The following VRTN variants were observed in gnomAD, a reference collection of about 807,000 sequenced individuals.
VRTN encodes the protein vertebrae development associated.
Under a neutral mutation model 18.2 loss-of-function variants are expected in VRTN, and 5 were observed. The ratio of observed to expected loss-of-function variants is 0.27; its 90% CI spans 0.14 to 0.58. The LOEUF (loss-of-function observed/expected upper bound fraction) is 0.58, where lower values mean the gene tolerates loss of function less well. VRTN is among the 20% of genes least tolerant of loss of function. The probability of loss-of-function intolerance (pLI) is 0.91; values close to 1 mark genes in which losing one functional copy is unlikely to be tolerated. For synonymous variants in VRTN, 381 were observed against 393.7 expected (o/e 0.97, Z 0.38); for missense variants, 741 against 939.4 (o/e 0.79, Z 2.76).
At chr14:74,344,521 T>C (rs1364178716), upstream of VRTN, among the ~76,000 whole-genome samples, 1 of 146,652 alleles carries the variant, frequency 6.8e-6, no homozygotes, top group African/African-American at 2.5e-5. Flanking sequence ...TCACTTGAGG[T>C]CAGGAGTTCG....
chr14:74,331,681 C>A (rs1230285931), intron 1 of VRTN, among the ~76,000 whole-genome samples: 1 of 148,158 alleles, frequency 6.7e-6, no homozygotes, highest in Non-Finnish European at 1.5e-5. Flanking sequence ...ATGGAGGGAG[C>A]TTAGAGGTAA....
exon 1 of VRTN, chr14:74,303,120 A>C: frequency 2.2e-6 from 1 of 453,932 alleles, no homozygotes; most frequent in Non-Finnish European, 3.9e-6. Flanking sequence ...GCGCCCCCAT[A>C]TTTTCTGGGA....
At chr14:74,327,150 A>G (rs2085493152) in intron 1 of VRTN, among the ~76,000 whole-genome samples, 2 of 152,138 alleles carry the variant, frequency 1.3e-5, no homozygotes, top group African/African-American at 4.8e-5. Context: ...TTGAGCACCT[A>G]TTGTGTGCTT....
intron 1 of VRTN, among the ~76,000 whole-genome samples, chr14:74,326,459 C>A (rs1354777751): frequency 6.6e-6 from 1 of 152,088 alleles, no homozygotes; most frequent in Non-Finnish European, 1.5e-5. Context: ...ATGTTCACAG[C>A]CCTGGAGGAT....
chr14:74,317,228 G>A (rs2085424183), intron 1 of VRTN, among the ~76,000 whole-genome samples: 2 of 152,200 alleles, frequency 1.3e-5, no homozygotes, highest in South Asian at 4.1e-4. Flanking sequence ...TATTTCAGGT[G>A]AGAGAGTCAT....
intron 1 of VRTN, among the ~76,000 whole-genome samples, chr14:74,334,791 C>A (rs2085552646): frequency 6.6e-6 from 1 of 152,134 alleles, no homozygotes; most frequent in Admixed American, 6.5e-5. Flanking sequence ...TTCTGAGAAT[C>A]ATCTTGCATA....
In VRTN at chr14:74,357,666, A is replaced by G; in HGVS notation, c.883A>G (p.Thr295Ala). Residue 295 changes from threonine to alanine, a missense_variant, in exon 2 of 2, where the codon ACC becomes GCC. Physicochemically the swap from Thr to Ala is moderately conservative, Grantham distance 58. Coordinates refer to ENST00000256362, the MANE Select transcript of VRTN (RefSeq NM_018228.3). The surrounding 1 kb of genome is among the most constrained non-coding windows in gnomAD (Gnocchi z 7.8). ...TGAGCGCTACAGCGTCACCAAAAGC[A>G]CCTTCTACCGCTGGCGGCGGCAGTC... Reference protein sequence around the residue: ...LCERYSVTKSTFYRWRRQSQE... With the variant: ...LCERYSVTKSAFYRWRRQSQE... 1 of 1,613,690 alleles carries G rather than the reference A, an allele frequency of 6.2e-7. No homozygotes were observed. Among genetic ancestry groups the G allele is most frequent in the Non-Finnish European group, 8.5e-7 (1 of 1,179,968 alleles).
At chr14:74,318,076 G>A (rs941432865) in intron 1 of VRTN, among the ~76,000 whole-genome samples, 6 of 152,128 alleles carry the variant, frequency 3.9e-5, no homozygotes, top group Admixed American at 2.0e-4. Context: ...CTATGATTGT[G>A]CCACTGCACT....
rs527249475 is a variant in VRTN at position 74,358,487 on chromosome 14, G to C, written c.1704G>C (p.Gly568=). 1.1e-5 allele frequency: 18 copies of C among 1,614,194 alleles called. No homozygotes were observed. In the South Asian group the frequency reaches 1.8e-4, roughly 16 times the overall value. Reference sequence around the variant, plus strand: ...TGCCGGTCCCCACCTTGGGCAAAGGGGGGCAGGAGGCTGAGGAGAAGCAGG... The same window carrying C: ...TGCCGGTCCCCACCTTGGGCAAAGGCGGGCAGGAGGCTGAGGAGAAGCAGG... ...LQVPVPTLGK[G]GQEAEEKQEK... Residue 568 remains glycine, a synonymous_variant, in exon 2 of 2, where the codon GGG becomes GGC. Coordinates refer to ENST00000256362, the MANE Select transcript of VRTN (RefSeq NM_018228.3). The surrounding 1 kb of genome is among the most constrained non-coding windows in gnomAD (Gnocchi z 5.4).
chr14:74,330,813 G>A (rs2085517064), intron 1 of VRTN, among the ~76,000 whole-genome samples: 1 of 152,084 alleles, frequency 6.6e-6, no homozygotes, highest in Non-Finnish European at 1.5e-5. Flanking sequence ...GATCAAGTCT[G>A]CAAGAGCAGA....
At chr14:74,316,027 A>G (rs2085417632) in intron 1 of VRTN, among the ~76,000 whole-genome samples, 1 of 152,158 alleles carries the variant, frequency 6.6e-6, no homozygotes, top group Non-Finnish European at 1.5e-5. Context: ...AGCTGAGGCA[A>G]TTCTCAAAGG....
intron 1 of VRTN, among the ~76,000 whole-genome samples, chr14:74,329,108 TA>T (rs879651021): frequency 4.1e-5 from 6 of 148,030 alleles, no homozygotes; most frequent in Non-Finnish European, 6.0e-5. Flanking sequence ...CTGTCTCTAC[TA>T]AAAAAAAAAT....
intron 2 of VRTN, among the ~76,000 whole-genome samples, chr14:74,339,025 A>AT (rs1199513137): frequency 1.5e-4 from 23 of 150,846 alleles, no homozygotes; most frequent in Non-Finnish European, 3.1e-4. Context: ...GTGCCAAGCC[A>AT]TTTTTTTCTT....
intron 1 of VRTN, among the ~76,000 whole-genome samples, chr14:74,318,680 G>A (rs549803604): frequency 1.3e-3 from 191 of 151,444 alleles, no homozygotes; most frequent in African/African-American, 4.5e-3. Context: ...CCAAAGTGCT[G>A]GGATTACAGG....
rs1409911231 is a variant in VRTN, at chr14:74,303,842, GATTT to G, written c.-164+667_-164+670del. 6.2e-3 allele frequency among the ~76,000 whole-genome samples: 747 copies of G among 120,842 alleles called. 3 individuals are homozygous for G. The highest frequency in any genetic ancestry group is 0.028 in the African/African-American group (703 of 25,210). The allele number at this position is 120,842 out of a possible 152,430, so 79.3% of individuals were successfully genotyped here. ...GTAGGTCAATCAGTTGACAATTACA[GATTT>G]TTTTTTTTTTTTTTTTTTTTTTGAT... On this transcript the variant is annotated intron_variant, in intron 1 of 2. Transcript: ENST00000557177.
chr14:74,323,610 A>G (rs2085469528), intron 1 of VRTN, among the ~76,000 whole-genome samples: 1 of 151,862 alleles, frequency 6.6e-6, no homozygotes, highest in African/African-American at 2.4e-5. Flanking sequence ...CCAACAAACA[A>G]ACAAAAAAAA....
rs982750350 is a variant in VRTN at position 74,339,587 on chromosome 14, G to A, written c.-2+1703G>A. On this transcript the variant is annotated intron_variant, in intron 2 of 2. Coordinates refer to the VRTN transcript ENST00000557177. ...AACACTTCAGGGGCCAAGGCAGTGG[G>A]AGGATCACTTGAGCCCAGGAGTTCT... Among the ~76,000 whole-genome samples the A allele has an allele frequency of 2.6e-5, 4 of 152,322 alleles. No homozygotes were observed. In the East Asian group the frequency reaches 7.7e-4, roughly 29 times the overall value.
At position 74,337,721 on chromosome 14, in the gene VRTN, A is replaced by G. The variant is rs1463599263; in HGVS notation, c.-163-2A>G. ...TATTGACAAGCCTTCTTGCCTCGCC[A>G]GGTACGTTTCCTGAGGACAGCTGCT... On this transcript the variant is annotated splice_acceptor_variant, in intron 1 of 2. Transcript: ENST00000557177. LOFTEE classifies it low-confidence loss of function (5UTR_SPLICE). 1 of 152,202 alleles carries G rather than the reference A, an allele frequency of 6.6e-6. No homozygotes were observed. The highest frequency in any genetic ancestry group is 1.5e-5 in the Non-Finnish European group (1 of 68,064). 9.4% of individuals were successfully genotyped at this position (152,202 alleles called of 1,614,324 possible).
In VRTN at chr14:74,357,593, C is replaced by T. The variant is rs764304788; in HGVS notation, c.810C>T (p.Thr270=). 2.5e-6 allele frequency: 4 copies of T among 1,614,080 alleles called. No individual in the cohort carries two copies. The highest frequency in any genetic ancestry group is 2.2e-5 in the South Asian group (2 of 91,086). ...CCCCACTCTCATCGCCGGCCAAGACCCTGGAGCTGCTCAACCGTGAACCTG... is the reference window on the plus strand; with the variant it reads ...CCCCACTCTCATCGCCGGCCAAGACTCTGGAGCTGCTCAACCGTGAACCTG... ...ALAPLSSPAK[T]LELLNREPGL... The change falls in exon 2 of 2, where the codon ACC becomes ACT. Residue 270 remains threonine, a synonymous_variant. Coordinates refer to ENST00000256362, the MANE Select transcript of VRTN (RefSeq NM_018228.3). The surrounding 1 kb of genome is among the most constrained non-coding windows in gnomAD (Gnocchi z 7.8).
Sources: allele counts gnomAD v4.1 joint callset (sites outside exome capture counted in the v4.1 genomes callset), GRCh38; gene constraint gnomAD v4.1.1; non-coding constraint Gnocchi (gnomAD v3.1); transcripts MANE v1.5; gene names NCBI Gene and HGNC (gene_info 2026-07-23, HGNC 2026-07-21).